Variants in FRMD6 observed in about 807,000 individuals in gnomAD.
The protein encoded by FRMD6 is FERM domain-containing protein 6.
FRMD6 carries 37 observed loss-of-function variants against 73.2 expected under a neutral mutation model. The ratio of observed to expected loss-of-function variants is 0.51; its 90% CI spans 0.39 to 0.66. The LOEUF (loss-of-function observed/expected upper bound fraction) is 0.66. FRMD6 is among the 30% of genes least tolerant of loss of function. The pLI, the probability that FRMD6 is intolerant of heterozygous loss-of-function variation, is 0.00. For missense variants in FRMD6, 714 were observed against 780.5 expected, an observed-to-expected ratio of 0.91 and a Z score of 1.02; for synonymous variants, 273 against 282.2, an observed-to-expected ratio of 0.97 and a Z score of 0.33.
chr14:51,473,323 C>T, the FRMD6 span, among the ~76,000 whole-genome samples: 1 of 152,184 alleles, frequency 6.6e-6, no homozygotes, highest in Non-Finnish European at 1.5e-5. Context: ...GATCTTGACC[C>T]AGCCACTTGT....
chr14:51,447,689 C>A, the FRMD6 span, among the ~76,000 whole-genome samples: 193 of 152,280 alleles, frequency 1.3e-3, no homozygotes, highest in African/African-American at 4.0e-3. Context: ...TGAGGTAGAG[C>A]CTTTTCCTCA....
chr14:51,415,095 A>T, the FRMD6 span, among the ~76,000 whole-genome samples: 3 of 152,222 alleles, frequency 2.0e-5, no homozygotes, highest in African/African-American at 7.2e-5. Context: ...TGTCATCTGC[A>T]AACAGGGACA....
chr14:51,440,507 C>A, the FRMD6 span, among the ~76,000 whole-genome samples: 1 of 152,158 alleles, frequency 6.6e-6, no homozygotes, highest in Non-Finnish European at 1.5e-5. Flanking sequence ...AATCCAACTT[C>A]CCTTGTCCTA....
At chr14:51,529,734 A>G (rs1885472900) in intron 1 of FRMD6, among the ~76,000 whole-genome samples, 1 of 152,188 alleles carries the variant, frequency 6.6e-6, no homozygotes, top group African/African-American at 2.4e-5. Flanking sequence ...TGGCAAAAGC[A>G]CCTGAGGTGA....
intron 2 of FRMD6, 99 bp downstream of exon 2, chr14:51,690,034 A>T (rs1467499331): frequency 3.7e-6 from 3 of 804,790 alleles, no homozygotes; most frequent in Non-Finnish European, 4.3e-6. Flanking sequence ...TTACAGAATT[A>T]GGGCAGTAAT....
chr14:51,561,889 A>T (rs1410196732), intron 1 of FRMD6, among the ~76,000 whole-genome samples: 1 of 152,236 alleles, frequency 6.6e-6, no homozygotes, highest in Non-Finnish European at 1.5e-5. Context: ...AAATGAAAAA[A>T]ATATATATTT....
chr14:51,668,213 T>G (rs1436311437), intron 1 of FRMD6, among the ~76,000 whole-genome samples: 1 of 152,180 alleles, frequency 6.6e-6, no homozygotes, highest in East Asian at 1.9e-4. Flanking sequence ...TAGAACTGGT[T>G]AGGAAAGGGA....
At chr14:51,562,707 C>T (rs1887548948) in intron 1 of FRMD6, among the ~76,000 whole-genome samples, 1 of 152,148 alleles carries the variant, frequency 6.6e-6, no homozygotes, top group Admixed American at 6.5e-5. Context: ...AGCTTTCTTC[C>T]TGCATAAGAC....
intron 4 of FRMD6, among the ~76,000 whole-genome samples, chr14:51,702,077 A>G (rs902474366): frequency 3.3e-5 from 5 of 152,004 alleles, no homozygotes; most frequent in Non-Finnish European, 7.4e-5. Flanking sequence ...CAAAGTAAAG[A>G]ACATGAATGT....
chr14:51,641,675 C>T (rs1891816069), intron 2 of FRMD6, among the ~76,000 whole-genome samples: 2 of 152,198 alleles, frequency 1.3e-5, no homozygotes, highest in Admixed American at 1.3e-4. Flanking sequence ...CCCCCAGATA[C>T]TAACTGCCCT....
the FRMD6 span, among the ~76,000 whole-genome samples, chr14:51,412,807 GCAC>G: frequency 1.3e-5 from 2 of 151,686 alleles, no homozygotes; most frequent in Admixed American, 1.3e-4. Context: ...AGCTGAGATC[GCAC>G]CACTGCACTC....
intron 2 of FRMD6, among the ~76,000 whole-genome samples, chr14:51,607,402 C>A (rs1220228780): frequency 1.3e-5 from 2 of 152,146 alleles, no homozygotes; most frequent in African/African-American, 4.8e-5. Context: ...GGGGCATGGT[C>A]ATGAAGACCA....
At chr14:51,659,802 A>T (rs941700) in intron 1 of FRMD6, among the ~76,000 whole-genome samples, 23,615 of 152,180 alleles carry the variant, frequency 0.16, 1,935 homozygotes, top group African/African-American at 0.22. Context: ...ATTGATATAA[A>T]GCAGTTCTTT....
At chr14:51,476,204 T>C in the FRMD6 span, among the ~76,000 whole-genome samples, 3 of 152,126 alleles carry the variant, frequency 2.0e-5, no homozygotes, top group African/African-American at 4.8e-5. Context: ...AGCAGAGGTG[T>C]GTTGCATCTT....
intron 2 of FRMD6, among the ~76,000 whole-genome samples, chr14:51,597,254 A>G (rs1206707967): frequency 6.6e-6 from 1 of 152,234 alleles, no homozygotes; most frequent in Non-Finnish European, 1.5e-5. Flanking sequence ...ATGCATACAT[A>G]ACTAGAATGC....
At chr14:51,645,442 T>C (rs1278879717) in intron 2 of FRMD6, among the ~76,000 whole-genome samples, 1 of 151,904 alleles carries the variant, frequency 6.6e-6, no homozygotes, top group African/African-American at 2.4e-5. Flanking sequence ...TTTTTCTTCT[T>C]CTTCTTGAGA....
At chr14:51,527,189 C>A (rs1885304750) in intron 1 of FRMD6, among the ~76,000 whole-genome samples, 1 of 152,230 alleles carries the variant, frequency 6.6e-6, no homozygotes, top group Non-Finnish European at 1.5e-5. Context: ...AAGAAGTAGC[C>A]ACTGTTCCAT....
At chr14:51,595,747 A>G (rs1363853034) in intron 2 of FRMD6, among the ~76,000 whole-genome samples, 1 of 152,224 alleles carries the variant, frequency 6.6e-6, no homozygotes, top group East Asian at 1.9e-4. Flanking sequence ...ATGGCTATAG[A>G]CTATGGTTCA....
At chr14:51,548,483 C>T (rs1386588910) in intron 1 of FRMD6, among the ~76,000 whole-genome samples, 1 of 152,152 alleles carries the variant, frequency 6.6e-6, no homozygotes, top group East Asian at 1.9e-4. Flanking sequence ...ACCTGGCTGG[C>T]TTAGGGTAAT....
Sources: gnomAD v4.1 joint callset for allele counts (sites outside exome capture counted in the v4.1 genomes callset) on GRCh38, gnomAD v4.1.1 for gene constraint, MANE v1.5 for transcripts, NCBI Gene and HGNC (gene_info 2026-07-23, HGNC 2026-07-21) for gene names.